ATF5: variants seen among roughly 807,000 people sequenced by gnomAD.
The protein encoded by ATF5 is activating transcription factor 5.
ATF5 carries 6 observed loss-of-function variants against 4.6 expected under a neutral mutation model. The observed-to-expected ratio is 1.31, with a 90% CI of 0.72 to 2.59. The LOEUF (loss-of-function observed/expected upper bound fraction) is 2.59, where lower values mean the gene tolerates loss of function less well. Ranked by LOEUF, ATF5 falls within the 30% of genes most tolerant of loss-of-function variation. ATF5 has a pLI of 0.00. For synonymous variants in ATF5, 193 were observed against 165.0 expected, an observed-to-expected ratio of 1.17 and a Z score of -1.30; for missense variants, 410 against 368.7, an observed-to-expected ratio of 1.11 and a Z score of -0.92.
At chr19:49,932,388 G>C (rs758971342) in intron 2 of ATF5, 34 bp from the exon 3 acceptor site, 48 of 1,612,238 alleles carry the variant, frequency 3.0e-5, no homozygotes, top group Non-Finnish European at 4.0e-5. Context: ...CAGCAACTCA[G>C]GGAATTTTGT....
At chr19:49,931,060 T>G in intron 2 of ATF5, 32 bp downstream of exon 2, 1 of 1,470,656 alleles carries the variant, frequency 6.8e-7, no homozygotes, top group Non-Finnish European at 9.1e-7. Flanking sequence ...AGCTGGGGAG[T>G]GGAGGGCAGG....
At chr19:49,928,973 G>A (rs2075986143), upstream of ATF5, 1 of 152,616 alleles carries the variant, frequency 6.6e-6, no homozygotes, top group Admixed American at 6.5e-5. Context: ...GGAGCCACAA[G>A]GAGAGGGCTG....
chr19:49,930,681 C>A, intron 1 of ATF5, 51 bp from the exon 2 acceptor site: 1 of 457,030 alleles, frequency 2.2e-6, no homozygotes, highest in Non-Finnish European at 3.7e-6. Context: ...TTGATTTTGG[C>A]CGGTGGATGA....
chr19:49,931,067 C>G lies in ATF5; in HGVS notation c.178+39C>G, dbSNP rs572888576. ...GAAGGTGGAGCTGGGGAGTGGAGGG[C>G]AGGGGAAGATGGGGGAGGAAGAACT... is the stretch of plus-strand genomic sequence containing the variant. On this transcript the variant is annotated intron_variant, in intron 2 of 2. Coordinates refer to ENST00000423777, the MANE Select transcript of ATF5 (RefSeq NM_001193646.2). The G allele has an allele frequency of 2.0e-4, 292 of 1,448,892 alleles. 3 individuals are homozygous for G. The East Asian group carries it at 7.1e-3, about 35-fold the overall frequency. The allele number at this position is 1,448,892 out of a possible 1,614,324, so 89.8% of individuals were successfully genotyped here.
intron 2 of ATF5, 135 bp downstream of exon 2, chr19:49,931,163 C>A (rs2076058037): frequency 2.6e-6 from 2 of 775,358 alleles, no homozygotes; most frequent in Non-Finnish European, 3.9e-6. Flanking sequence ...GAGGATACGG[C>A]TGGGAACAAG....
Position 49,932,918 on chromosome 19 carries a change from CCG to C in ATF5, c.677_678del (p.Arg226ProfsTer8), listed in dbSNP as rs2076081535. On this transcript the variant is annotated frameshift_variant, in exon 3 of 3. Transcript: ENST00000423777. LOFTEE classifies it high-confidence loss of function. ...DQNKSAALRY[R>X]QRKRAEGEAL... ...AGAACAAGTCGGCGGCTCTGAGGTA[CCG>C]CCAGCGGAAGCGGGCAGAGGGTGAG... 6.2e-7 allele frequency: 1 copy of C among 1,613,846 alleles called. No homozygotes were observed. The highest frequency in any genetic ancestry group is 8.5e-7 in the Non-Finnish European group (1 of 1,179,878).
chr19:49,930,543 CAG>C (rs2076042592), intron 1 of ATF5, 187 bp from the exon 2 acceptor site: 2 of 301,258 alleles, frequency 6.6e-6, no homozygotes, highest in Non-Finnish European at 1.2e-5. Flanking sequence ...GGGTGGGGCT[CAG>C]AGATTTGGGT....
rs1303466304 is a variant in ATF5 at position 49,930,794 on chromosome 19, C to T, written c.-57C>T. 6.9e-7 allele frequency: 1 copy of T among 1,442,246 alleles called. No individual in the cohort carries two copies. The allele number at this position is 1,442,246 out of a possible 1,614,324, so 89.3% of individuals were successfully genotyped here. A position where few individuals can be genotyped will look rare whatever the true frequency, so the allele number is the denominator to read the frequency against. On this transcript the variant is annotated 5_prime_UTR_variant, in exon 2 of 3. Transcript: ENST00000423777. ...CTGAGCATCCTCCAGAGCCTCGTGC[C>T]AGCTGCTGGTGCAGCCTCTCCTGTT...
At chr19:49,929,424 C>G (rs1180810155) in intron 1 of ATF5, 24 bp downstream of exon 1, 1 of 152,772 alleles carries the variant, frequency 6.5e-6, no homozygotes, top group African/African-American at 2.4e-5. Flanking sequence ...TACCTCTTCT[C>G]CAACTGCCTT....
At chr19:49,930,602 C>T in intron 1 of ATF5, 130 bp from the exon 2 acceptor site, 1 of 403,688 alleles carries the variant, frequency 2.5e-6, no homozygotes, top group Admixed American at 4.4e-5. Context: ...GCTTAGTGTT[C>T]TAAACGGTGG....
rs755774233 is a variant in ATF5, at chr19:49,932,628, C to A, written c.385C>A (p.Pro129Thr). The A allele has an allele frequency of 1.3e-6, 2 of 1,544,128 alleles. No homozygotes were observed. Among genetic ancestry groups the A allele is most frequent in the Non-Finnish European group, 1.7e-6 (2 of 1,143,204 alleles). ...GCCCCTCCCACCACCCTCCCCGCCG[C>A]CACTACCACCACCACCACTACCACC... The part of the protein sequence containing the change: ...APPLPPPSPP[P>T]LPPPPLPPAP... The change falls in exon 3 of 3, where the codon CCA becomes ACA. Residue 129 changes from proline (P) to threonine (T), a missense_variant. Transcript: ENST00000423777.
Position 49,932,678 on chromosome 19 carries a change from C to T in ATF5, c.435C>T (p.Leu145=). 6.4e-7 allele frequency: 1 copy of T among 1,551,830 alleles called. No homozygotes were observed. The highest frequency in any genetic ancestry group is 8.8e-7 in the Non-Finnish European group (1 of 1,141,030). ...LPPAPSLPLS[L]PSFDLPQPPV... ...CAGCCCCCTCCCTCCCCCTGTCCCTCCCCTCCTTTGACCTCCCCCAGCCCC... is the reference window on the plus strand; with the variant it reads ...CAGCCCCCTCCCTCCCCCTGTCCCTTCCCTCCTTTGACCTCCCCCAGCCCC... Residue 145 remains leucine (L), a synonymous_variant, in exon 3 of 3, where the codon CTC becomes CTT. Transcript: ENST00000423777.
chr19:49,930,545 G>C, intron 1 of ATF5, 187 bp from the exon 2 acceptor site: 1 of 309,850 alleles, frequency 3.2e-6, no homozygotes. Flanking sequence ...GTGGGGCTCA[G>C]AGATTTGGGT....
At chr19:49,930,461 T>C (rs1193859686) in intron 1 of ATF5, 1 of 105,242 alleles carries the variant, frequency 9.5e-6, no homozygotes, top group Non-Finnish European at 1.8e-5. Context: ...CTTTAGGTTT[T>C]TTTTTTCTGT....
rs559897824 is a variant in ATF5, at chr19:49,931,880, AAG to A, written c.179-536_179-535del. On this transcript the variant is annotated intron_variant, in intron 2 of 2. Transcript: ENST00000423777. ...AATGTGATCTAGTTTGCCTTTTAAAAAGAGAGAATAGAGACACCACAGATACA... is the reference window on the plus strand; with the variant it reads ...AATGTGATCTAGTTTGCCTTTTAAAAAGAGAATAGAGACACCACAGATACA... Among the ~76,000 whole-genome samples the A allele has an allele frequency of 4.2e-3, 637 of 151,450 alleles. 3 individuals carry two copies. The highest frequency in any genetic ancestry group is 0.014 in the African/African-American group (563 of 41,214).
Position 49,932,917 on chromosome 19 carries a change from A to G in ATF5, c.674A>G (p.Tyr225Cys). 1.9e-6 allele frequency: 3 copies of G among 1,613,804 alleles called. No individual in the cohort carries two copies. Among genetic ancestry groups the G allele is most frequent in the South Asian group, 1.1e-5 (1 of 91,050 alleles). ...RDQNKSAALR[Y>C]RQRKRAEGEA... The stretch of plus-strand genomic sequence containing the variant: ...CAGAACAAGTCGGCGGCTCTGAGGT[A>G]CCGCCAGCGGAAGCGGGCAGAGGGT... The change falls in exon 3 of 3, where the codon TAC becomes TGC. Residue 225 changes from tyrosine to cysteine, a missense_variant. Transcript: ENST00000423777.
At chr19:49,931,762 T>C (rs1293923451) in intron 2 of ATF5, among the ~76,000 whole-genome samples, 1 of 152,100 alleles carries the variant, frequency 6.6e-6, no homozygotes, top group Non-Finnish European at 1.5e-5. Flanking sequence ...TTTCATTCAT[T>C]ACTGTATCCC....
intron 2 of ATF5, 57 bp from the exon 3 acceptor site, chr19:49,932,365 C>G (rs1179404160): frequency 1.4e-5 from 22 of 1,573,560 alleles, no homozygotes; most frequent in Non-Finnish European, 1.8e-5. Flanking sequence ...CAGCACCCAA[C>G]TACGCAGAAG....
intron 1 of ATF5, 177 bp from the exon 2 acceptor site, chr19:49,930,555 T>C: frequency 3.1e-6 from 1 of 324,462 alleles, no homozygotes. Context: ...GAGATTTGGG[T>C]AAAGAAAGGG....
Sources: allele counts gnomAD v4.1 joint callset (sites outside exome capture counted in the v4.1 genomes callset), GRCh38; gene constraint gnomAD v4.1.1; transcripts MANE v1.5; gene names NCBI Gene and HGNC (gene_info 2026-07-23, HGNC 2026-07-21).